The following HAGH variants were observed in gnomAD, a reference collection of about 807,000 sequenced individuals.
HAGH encodes hydroxyacylglutathione hydrolase, also known as hydroxyacylglutathione hydrolase, mitochondrial.
Under a neutral mutation model 35.1 loss-of-function variants are expected in HAGH, and 29 were observed. That is an observed-to-expected ratio of 0.83 (90% CI 0.62 to 1.13). The LOEUF (loss-of-function observed/expected upper bound fraction) is 1.13. Ranked by LOEUF, HAGH falls within the 50% of genes most tolerant of loss-of-function variation. The pLI, the probability that HAGH is intolerant of heterozygous loss-of-function variation, is 0.00. For synonymous variants in HAGH, 225 were observed against 176.1 expected (o/e 1.28, Z -2.20); for missense variants, 478 against 419.6 (o/e 1.14, Z -1.22).
At chr16:1,812,699 G>C (rs1401250445) in intron 7 of HAGH, among the ~76,000 whole-genome samples, 9 of 152,112 alleles carry the variant, frequency 5.9e-5, no homozygotes, top group African/African-American at 2.2e-4. Context: ...TTAGATGGGA[G>C]ACAAAAAAGA....
chr16:1,822,202 G>T (rs903232559), intron 3 of HAGH, 98 bp downstream of exon 3: 2 of 772,044 alleles, frequency 2.6e-6, no homozygotes, highest in Non-Finnish European at 4.5e-6. Context: ...TCACAAAGCA[G>T]ACAGAGCCGT....
Position 1,807,775 on chromosome 16 carries a change from G to C in HAGH, c.*1508C>G, listed in dbSNP as rs763241434. ...GCCTCCTCACACACGCCTGGCTTCC[G>C]TGGCATCCCAGAGGGGTCTGCGAGT... is the stretch of plus-strand genomic sequence containing the variant. On this transcript the variant is annotated 3_prime_UTR_variant, in exon 9 of 9. Coordinates refer to ENST00000397356, the MANE Select transcript of HAGH (RefSeq NM_005326.6). 1 of 152,276 alleles carries C rather than the reference G, an allele frequency of 6.6e-6. No homozygotes were observed. Among genetic ancestry groups the C allele is most frequent in the Admixed American group, 6.5e-5 (1 of 15,272 alleles). 9.4% of individuals were successfully genotyped at this position (152,276 alleles called of 1,614,324 possible).
chr16:1,818,610 C>T (rs1898010979), intron 5 of HAGH: 1 of 153,722 alleles, frequency 6.5e-6, no homozygotes, highest in African/African-American at 2.4e-5. Context: ...AGGCAGCCCC[C>T]ACCACCAGCA....
intron 7 of HAGH, 129 bp from the exon 8 acceptor site, chr16:1,809,962 G>C (rs1897565335): frequency 8.6e-6 from 6 of 698,852 alleles, no homozygotes; most frequent in South Asian, 8.0e-5. Context: ...CCTGGAGTTT[G>C]AGACCAGCCT....
chr16:1,819,062 G>A (rs1382697685), intron 5 of HAGH, 53 bp downstream of exon 5: 4 of 1,129,830 alleles, frequency 3.5e-6, no homozygotes, highest in Admixed American at 1.8e-5. Flanking sequence ...CCTGGCAGGA[G>A]ACACAGGGTC....
At chr16:1,826,286 C>T (rs1898412966) in intron 1 of HAGH, among the ~76,000 whole-genome samples, 1 of 151,184 alleles carries the variant, frequency 6.6e-6, no homozygotes, top group Admixed American at 6.6e-5. Context: ...GGCAGCTCCA[C>T]CACCGCAGGC....
At chr16:1,825,707 G>A (rs769944141) in intron 1 of HAGH, among the ~76,000 whole-genome samples, 55 of 152,308 alleles carry the variant, frequency 3.6e-4, no homozygotes, top group Middle Eastern at 3.4e-3. Flanking sequence ...CAAAGTGACT[G>A]AGACTACAGT....
At chr16:1,814,010 C>G (rs114311607) in intron 7 of HAGH, among the ~76,000 whole-genome samples, 1 of 152,334 alleles carries the variant, frequency 6.6e-6, no homozygotes, top group African/African-American at 2.4e-5. Context: ...GGGTGAACCT[C>G]TACCCTCACC....
intron 8 of HAGH, 37 bp downstream of exon 8, chr16:1,809,717 G>T (rs1331354897): frequency 4.2e-6 from 6 of 1,416,082 alleles, no homozygotes; most frequent in Non-Finnish European, 6.0e-6. Context: ...CTGCCAGAGG[G>T]GAGGGGCCCG....
intron 1 of HAGH, among the ~76,000 whole-genome samples, chr16:1,825,279 T>C (rs1898348084): frequency 6.6e-6 from 1 of 152,124 alleles, no homozygotes; most frequent in Middle Eastern, 3.2e-3. Flanking sequence ...GATTGGCCAC[T>C]GCACTGCCCA....
intron 1 of HAGH, among the ~76,000 whole-genome samples, chr16:1,824,027 C>G (rs535360173): frequency 4.6e-5 from 7 of 152,260 alleles, no homozygotes; most frequent in Admixed American, 2.6e-4. Context: ...CTCCAGCAAG[C>G]TGTGCTGCCA....
At chr16:1,822,812 G>GGACTCC (rs1324441851) in intron 2 of HAGH, 53 bp downstream of exon 2, 1 of 1,500,908 alleles carries the variant, frequency 6.7e-7, no homozygotes, top group African/African-American at 1.4e-5. Context: ...TCGGGGGTGA[G>GGACTCC]GACTCCGAGC....
intron 3 of HAGH, among the ~76,000 whole-genome samples, chr16:1,820,635 C>A (rs1596934208): frequency 6.6e-6 from 1 of 152,290 alleles, no homozygotes; most frequent in East Asian, 1.9e-4. Flanking sequence ...CCTGCCTGAC[C>A]CGCAGTTCAG....
At chr16:1,823,479 G>C (rs1898249365) in intron 1 of HAGH, among the ~76,000 whole-genome samples, 1 of 151,860 alleles carries the variant, frequency 6.6e-6, no homozygotes, top group Non-Finnish European at 1.5e-5. Context: ...GTGTTAGCCA[G>C]GATGGTCTCG....
chr16:1,823,118 C>A, intron 1 of HAGH, 81 bp from the exon 2 acceptor site: 2 of 1,221,688 alleles, frequency 1.6e-6, no homozygotes, highest in South Asian at 1.2e-5. Context: ...TGCTTCCCAG[C>A]CTTTCTAGGT....
Position 1,816,895 on chromosome 16 carries a change from T to G in HAGH, c.745A>C (p.Lys249Gln), listed in dbSNP as rs576785714. 2 of 1,607,892 alleles carry G rather than the reference T, an allele frequency of 1.2e-6. No homozygotes were observed. Residue 249 changes from lysine to glutamine, a missense_variant and splice_region_variant, in exon 7 of 9, where the codon AAG becomes CAG. Coordinates refer to ENST00000397356, the MANE Select transcript of HAGH (RefSeq NM_005326.6). ...TGCGCAGTGACGGCCCCACTCACCT[T>G]GGCCCAGGCCAGCTTCTCCCGGATG... ...AAIREKLAWA[K>Q]EKYSIGEPTV...
intron 1 of HAGH, among the ~76,000 whole-genome samples, chr16:1,825,089 C>T (rs1359176161): frequency 6.6e-6 from 1 of 152,164 alleles, no homozygotes; most frequent in Non-Finnish European, 1.5e-5. Flanking sequence ...GAGGCCGAGG[C>T]GGGCGGATCG....
In HAGH at chr16:1,823,030, G is replaced by C. The variant is rs1278444638; in HGVS notation, c.84C>G (p.Ala28=). 1 of 1,613,518 alleles carries C rather than the reference G, an allele frequency of 6.2e-7. No individual in the cohort carries two copies. Among genetic ancestry groups the C allele is most frequent in the Admixed American group, 1.7e-5 (1 of 60,030 alleles). ...AACARRGLGP[A]LLGVFCHTDL... ...CTGTGTGGCAGAAAACTCCCAGCAG[G>C]GCTGGACCTGCAGACACAGAGCACA... The change falls in exon 2 of 9, where the codon GCC becomes GCG. Residue 28 remains alanine (A), a synonymous_variant. Transcript: ENST00000397356.
At chr16:1,821,129 G>A (rs1415531339) in intron 3 of HAGH, among the ~76,000 whole-genome samples, 1 of 152,154 alleles carries the variant, frequency 6.6e-6, no homozygotes, top group African/African-American at 2.4e-5. Flanking sequence ...CTGAGAGACA[G>A]CAGCTCAGCC....
Sources: gnomAD v4.1 joint callset for allele counts (sites outside exome capture counted in the v4.1 genomes callset) on GRCh38, gnomAD v4.1.1 for gene constraint, MANE v1.5 for transcripts, NCBI Gene and HGNC (gene_info 2026-07-23, HGNC 2026-07-21) for gene names.